The following CNTNAP5 variants were observed in gnomAD, a reference collection of about 807,000 sequenced individuals.
The protein encoded by CNTNAP5 is contactin associated protein family member 5, also known as contactin-associated protein-like 5.
CNTNAP5 carries 72 observed loss-of-function variants against 150.2 expected under a neutral mutation model. That is an observed-to-expected ratio of 0.48 (90% confidence interval 0.40 to 0.58). The LOEUF is 0.58. Among genes scored for constraint, CNTNAP5 ranks in the 20% least tolerant of loss-of-function variants. The pLI is 0.00. For synonymous variants in CNTNAP5, 672 were observed against 619.8 expected (o/e 1.08, Z -1.25); for missense variants, 1,636 against 1,626.2 (o/e 1.01, Z -0.10).
intron 1 of CNTNAP5, among the ~76,000 whole-genome samples, chr2:124,119,365 T>C (rs75357813): frequency 1.4e-5 from 2 of 147,206 alleles, no homozygotes. Flanking sequence ...CAGGAAGCTT[T>C]TTTTTTTTTT....
chr2:124,636,861 A>G (rs1677980747), intron 12 of CNTNAP5, among the ~76,000 whole-genome samples: 1 of 137,118 alleles, frequency 7.3e-6, no homozygotes, highest in African/African-American at 2.5e-5. Flanking sequence ...CACGTTTACG[A>G]TTCTGCCACA....
intron 3 of CNTNAP5, among the ~76,000 whole-genome samples, chr2:124,286,659 C>G (rs979727625): frequency 6.6e-6 from 1 of 152,188 alleles, no homozygotes; most frequent in Non-Finnish European, 1.5e-5. Flanking sequence ...TGATGCTATT[C>G]TGTTGGCCTA....
At chr2:124,272,933 A>G (rs935176448) in intron 3 of CNTNAP5, among the ~76,000 whole-genome samples, 2 of 152,226 alleles carry the variant, frequency 1.3e-5, no homozygotes, top group African/African-American at 4.8e-5. Context: ...GAACAAATGC[A>G]TGACCCTGTA....
chr2:124,391,620 A>G (rs1691111145), intron 3 of CNTNAP5, among the ~76,000 whole-genome samples: 2 of 152,228 alleles, frequency 1.3e-5, no homozygotes, highest in Admixed American at 6.5e-5. Context: ...AGGACCAGTG[A>G]CAGTCTTGTG....
At chr2:124,238,785 C>A (rs1276033407) in intron 2 of CNTNAP5, among the ~76,000 whole-genome samples, 1 of 152,156 alleles carries the variant, frequency 6.6e-6, no homozygotes, top group Admixed American at 6.6e-5. Context: ...AGTGTAGGTG[C>A]AGTGCGTTTT....
At chr2:124,623,201 C>T (rs1038617029) in intron 12 of CNTNAP5, among the ~76,000 whole-genome samples, 3 of 152,168 alleles carry the variant, frequency 2.0e-5, no homozygotes, top group African/African-American at 7.2e-5. Context: ...CCTGCAAGTT[C>T]ACAGACTTTA....
chr2:124,822,598 A>G lies in CNTNAP5; in HGVS notation c.3217+24278A>G, dbSNP rs796886284. On this transcript the variant is annotated intron_variant, in intron 19 of 23. Transcript: ENST00000682447. ...AAGTCATTTAGTCTTTTCTTTAAAT[A>G]AAGTAAAAAAACAAGGCTGCAGACA... is the stretch of plus-strand genomic sequence containing the variant. Among the ~76,000 whole-genome samples the G allele has an allele frequency of 2.1e-4, 32 of 152,328 alleles. 1 individual carries two copies. The highest frequency in any genetic ancestry group is 7.5e-4 in the African/African-American group (31 of 41,576).
intron 1 of CNTNAP5, among the ~76,000 whole-genome samples, chr2:124,074,005 C>T (rs915978605): frequency 4.6e-5 from 7 of 151,940 alleles, no homozygotes; most frequent in African/African-American, 1.7e-4. Flanking sequence ...ACTATTTATA[C>T]ATAAAAAAGA....
At chr2:124,462,810 A>C (rs1192746852) in intron 6 of CNTNAP5, among the ~76,000 whole-genome samples, 1 of 152,224 alleles carries the variant, frequency 6.6e-6, no homozygotes, top group East Asian at 1.9e-4. Flanking sequence ...CGAATGAATC[A>C]AATATGCTCT....
At chr2:124,100,795 G>A (rs1398005447) in intron 1 of CNTNAP5, among the ~76,000 whole-genome samples, 1 of 150,450 alleles carries the variant, frequency 6.6e-6, no homozygotes, top group East Asian at 2.0e-4. Context: ...AACCTGGGAG[G>A]CAGAGATTGC....
intron 10 of CNTNAP5, among the ~76,000 whole-genome samples, chr2:124,560,679 G>T (rs974158788): frequency 2.0e-5 from 3 of 152,082 alleles, no homozygotes; most frequent in Non-Finnish European, 4.4e-5. Flanking sequence ...CTGGAAAAGG[G>T]TTAGGCTACT....
At chr2:124,545,524 A>G (rs531655388) in intron 10 of CNTNAP5, among the ~76,000 whole-genome samples, 1 of 152,306 alleles carries the variant, frequency 6.6e-6, no homozygotes, top group African/African-American at 2.4e-5. Context: ...TTTGAAAATC[A>G]TAACATTTAA....
At chr2:124,027,794 A>G (rs369150045) in intron 1 of CNTNAP5, among the ~76,000 whole-genome samples, 148 of 152,324 alleles carry the variant, frequency 9.7e-4, no homozygotes, top group African/African-American at 3.4e-3. Flanking sequence ...AGCGTTCTTA[A>G]GGAATAATTA....
At chr2:124,704,629 G>A (rs1679595752) in intron 13 of CNTNAP5, among the ~76,000 whole-genome samples, 1 of 152,144 alleles carries the variant, frequency 6.6e-6, no homozygotes, top group South Asian at 2.1e-4. Flanking sequence ...CTTTAAAAAT[G>A]TTTGCCTATG....
At chr2:124,350,450 C>G (rs1689848961) in intron 3 of CNTNAP5, among the ~76,000 whole-genome samples, 1 of 144,974 alleles carries the variant, frequency 6.9e-6, no homozygotes, top group African/African-American at 2.6e-5. Context: ...TGGTTTGTGG[C>G]TTGTTTTTTT....
At position 124,434,605 on chromosome 2, in the gene CNTNAP5, C is replaced by T; in HGVS notation, c.651C>T (p.Val217=). Residue 217 remains valine, a synonymous_variant, in exon 5 of 24, where the codon GTC becomes GTT. Transcript: ENST00000682447. ...LKFKSMQGDG[V]LFHGEGQRGD... Reference sequence around the variant, plus strand: ...TCAAGAGCATGCAAGGAGATGGGGTCCTGTTCCATGGAGAAGGTCAGCGTG... The same window carrying T: ...TCAAGAGCATGCAAGGAGATGGGGTTCTGTTCCATGGAGAAGGTCAGCGTG... 6.2e-7 allele frequency: 1 copy of T among 1,613,920 alleles called. No individual in the cohort carries two copies. The highest frequency in any genetic ancestry group is 1.1e-5 in the South Asian group (1 of 91,084).
chr2:124,328,226 A>G (rs1558852707), intron 3 of CNTNAP5, among the ~76,000 whole-genome samples: 1 of 152,084 alleles, frequency 6.6e-6, no homozygotes, highest in Non-Finnish European at 1.5e-5. Flanking sequence ...TTGGTACTTT[A>G]GAGTAAAAAT....
intron 19 of CNTNAP5, among the ~76,000 whole-genome samples, chr2:124,842,598 G>C (rs966022242): frequency 2.6e-5 from 4 of 152,152 alleles, no homozygotes; most frequent in African/African-American, 9.7e-5. Context: ...TTAAAGGTAA[G>C]ACAGGTTGTA....
chr2:124,318,214 C>T (rs1573912747), intron 3 of CNTNAP5, among the ~76,000 whole-genome samples: 1 of 152,040 alleles, frequency 6.6e-6, no homozygotes, highest in East Asian at 1.9e-4. Context: ...GATCACAGGG[C>T]GAAGCAAACA....
Sources: allele counts gnomAD v4.1 joint callset (sites outside exome capture counted in the v4.1 genomes callset), GRCh38; gene constraint gnomAD v4.1.1; transcripts MANE v1.5; gene names NCBI Gene and HGNC (gene_info 2026-07-23, HGNC 2026-07-21).